The following RGS7 variants were observed in gnomAD, a reference collection of about 807,000 sequenced individuals.
RGS7 encodes the protein regulator of G-protein signaling 7.
A neutral mutation model predicts 81.1 loss-of-function variants in RGS7; 27 were observed. That is an observed-to-expected ratio of 0.33 (90% CI 0.25 to 0.46). RGS7 has a LOEUF of 0.46. Ranked by LOEUF, RGS7 falls within the 20% of genes least tolerant of loss-of-function variation. RGS7 has a pLI of 1.00. For missense variants in RGS7, 396 were observed against 607.4 expected, an observed-to-expected ratio of 0.65 and a Z score of 3.66; for synonymous variants, 208 against 207.7, an observed-to-expected ratio of 1.00 and a Z score of -0.01.
rs901449174 is a variant in RGS7 at position 240,892,070 on chromosome 1, T to A, written c.386-21951A>T. Among the ~76,000 whole-genome samples, 10 of 152,314 alleles carry A rather than the reference T, an allele frequency of 6.6e-5. No homozygotes were observed. The Middle Eastern group carries it at 0.01, about 155-fold the overall frequency. On this transcript the variant is annotated intron_variant, in intron 6 of 18. Coordinates refer to ENST00000440928, the MANE Select transcript of RGS7 (RefSeq NM_001364886.1). Reference sequence around the variant, plus strand: ...GCCCCAGGGGTGGTAGTTTATGGTTTTTATTCCTCACACTGCTTCCTTATT... The same window carrying A: ...GCCCCAGGGGTGGTAGTTTATGGTTATTATTCCTCACACTGCTTCCTTATT...
intron 2 of RGS7, among the ~76,000 whole-genome samples, chr1:241,321,430 C>T (rs1334721179): frequency 6.6e-6 from 1 of 152,212 alleles, no homozygotes; most frequent in Non-Finnish European, 1.5e-5. Context: ...CCCCCTTCCA[C>T]CTCACTCGGG....
intron 2 of RGS7, among the ~76,000 whole-genome samples, chr1:241,315,006 A>G (rs1362547153): frequency 6.7e-6 from 1 of 148,322 alleles, no homozygotes; most frequent in Middle Eastern, 3.2e-3. Flanking sequence ...GAACTTATTG[A>G]TGTTGAAGAC....
intron 3 of RGS7, among the ~76,000 whole-genome samples, chr1:241,085,850 G>A (rs1312197344): frequency 6.6e-6 from 1 of 152,172 alleles, no homozygotes; most frequent in Non-Finnish European, 1.5e-5. Context: ...TAAAACCACT[G>A]GAGTCCTATC....
chr1:241,018,128 A>G (rs1273202036), intron 3 of RGS7, among the ~76,000 whole-genome samples: 2 of 145,930 alleles, frequency 1.4e-5, no homozygotes, highest in Admixed American at 1.4e-4. Flanking sequence ...CACCATGCCC[A>G]GCTAATTTTT....
intron 6 of RGS7, among the ~76,000 whole-genome samples, chr1:240,885,446 C>A (rs546126899): frequency 5.3e-5 from 8 of 151,950 alleles, no homozygotes; most frequent in Non-Finnish European, 1.2e-4. Context: ...AAGACACATG[C>A]CAATGTTCAC....
At chr1:241,020,815 A>G (rs761370781) in intron 3 of RGS7, among the ~76,000 whole-genome samples, 1 of 152,166 alleles carries the variant, frequency 6.6e-6, no homozygotes, top group Non-Finnish European at 1.5e-5. Context: ...CAATACAACC[A>G]TCAGTGCCAG....
At chr1:240,952,684 T>G (rs1328098682) in intron 4 of RGS7, among the ~76,000 whole-genome samples, 1 of 151,958 alleles carries the variant, frequency 6.6e-6, no homozygotes, top group African/African-American at 2.4e-5. Flanking sequence ...GTAAGAAGAA[T>G]CCACATATAT....
intron 4 of RGS7, among the ~76,000 whole-genome samples, chr1:240,965,913 A>G (rs1682215573): frequency 6.6e-6 from 1 of 152,248 alleles, no homozygotes; most frequent in Non-Finnish European, 1.5e-5. Flanking sequence ...TGGGAGCTGG[A>G]AAGCATTAAT....
chr1:240,917,108 T>C (rs778594130), intron 6 of RGS7, among the ~76,000 whole-genome samples: 1 of 152,158 alleles, frequency 6.6e-6, no homozygotes, highest in Non-Finnish European at 1.5e-5. Flanking sequence ...GGGTGATAGA[T>C]TTAAAGTCTC....
chr1:240,788,152 T>C (rs965836498), intron 18 of RGS7, among the ~76,000 whole-genome samples: 1 of 152,238 alleles, frequency 6.6e-6, no homozygotes, highest in Admixed American at 6.5e-5. Context: ...TAAGACATCT[T>C]TATCAAGTGT....
chr1:241,353,156 T>C (rs1429948612), intron 2 of RGS7, among the ~76,000 whole-genome samples: 3 of 152,240 alleles, frequency 2.0e-5, no homozygotes, highest in East Asian at 3.8e-4. Context: ...AAGTCTTCGA[T>C]TGACTTCCTA....
Position 240,800,680 on chromosome 1 carries a change from T to C in RGS7, c.1455A>G (p.Thr485=), listed in dbSNP as rs780257931. Residue 485 remains threonine, a synonymous_variant, in exon 18 of 19, where the codon ACA becomes ACG. Transcript: ENST00000440928. ...GGTTAGTGCTGGCCCTCAGTGTTGG[T>C]GTACAGTTTTTATGGCATGGGAAAA... ...IPIFPCHKNC[T]PTLRASTNLL 6 of 1,548,136 alleles carry C rather than the reference T, an allele frequency of 3.9e-6. No homozygotes were observed. The African/African-American group carries it at 8.2e-5, about 21-fold the overall frequency.
rs1169899552 is a variant in RGS7 at position 241,221,057 on chromosome 1, A to AAGAG, written c.79-122299_79-122296dup. Reference sequence around the variant, plus strand: ...AGGAAGGAAAAGAAAGAAAGAAAGAAAGAGAGAGAGAGAGAAAGGAAGGAA... The same window carrying AAGAG: ...AGGAAGGAAAAGAAAGAAAGAAAGAAAGAGAGAGAGAGAGAGAGAAAGGAAGGAA... On this transcript the variant is annotated intron_variant, in intron 2 of 18. Coordinates refer to ENST00000440928, the MANE Select transcript of RGS7 (RefSeq NM_001364886.1). Among the ~76,000 whole-genome samples the AAGAG allele has an allele frequency of 5.4e-3, 682 of 125,404 alleles. 21 individuals carry two copies. Among genetic ancestry groups the AAGAG allele is most frequent in the African/African-American group, 0.018 (622 of 34,806 alleles). The allele number at this position is 125,404 out of a possible 152,430, so 82.3% of individuals were successfully genotyped here. A position where few individuals can be genotyped will look rare whatever the true frequency, so the allele number is the denominator to read the frequency against.
chr1:241,037,564 CA>C (rs973077929), intron 3 of RGS7, among the ~76,000 whole-genome samples: 42 of 151,754 alleles, frequency 2.8e-4, no homozygotes, highest in Middle Eastern at 6.8e-3. Context: ...ACTAAAAATA[CA>C]AAAAAATTAG....
chr1:241,195,454 T>G (rs373860422), intron 2 of RGS7, among the ~76,000 whole-genome samples: 12 of 151,958 alleles, frequency 7.9e-5, no homozygotes, highest in South Asian at 2.1e-4. Flanking sequence ...CCAGCCTGGG[T>G]GAAAAGAGCA....
chr1:240,860,907 C>T (rs996966852), intron 9 of RGS7, among the ~76,000 whole-genome samples: 1 of 152,148 alleles, frequency 6.6e-6, no homozygotes, highest in East Asian at 1.9e-4. Flanking sequence ...TCAGCATGCC[C>T]TAAAACAAAC....
intron 9 of RGS7, among the ~76,000 whole-genome samples, chr1:240,832,127 G>A (rs2066381): frequency 0.88 from 134,486 of 152,240 alleles, 59,752 homozygotes; most frequent in African/African-American, 0.97. Flanking sequence ...CCAGACCTTC[G>A]TGAAATTCGT....
rs2075427086 is a variant in RGS7 at position 241,228,099 on chromosome 1, G to C, written c.78+127600C>G. 6.6e-5 allele frequency among the ~76,000 whole-genome samples: 10 copies of C among 152,178 alleles called. 1 individual carries two copies. In the South Asian group the frequency reaches 2.1e-3, roughly 32 times the overall value. On this transcript the variant is annotated intron_variant, in intron 2 of 18. Coordinates refer to ENST00000440928, the MANE Select transcript of RGS7 (RefSeq NM_001364886.1). ...TTGTGCTTGATTCTCTTGGGACACT[G>C]GCTCTGGGGAAGCCACTGACCATGG... is the stretch of plus-strand genomic sequence containing the variant.
chr1:241,120,895 A>G (rs1057081131), intron 2 of RGS7, among the ~76,000 whole-genome samples: 2 of 152,160 alleles, frequency 1.3e-5, no homozygotes, highest in African/African-American at 4.8e-5. Context: ...AGTGAGGTGC[A>G]TTTTAAATAG....
Sources: gnomAD v4.1 joint callset for allele counts (sites outside exome capture counted in the v4.1 genomes callset) on GRCh38, gnomAD v4.1.1 for gene constraint, MANE v1.5 for transcripts, NCBI Gene and HGNC (gene_info 2026-07-23, HGNC 2026-07-21) for gene names.